The following DENND5A variants were observed in gnomAD, a reference collection of about 807,000 sequenced individuals.
DENND5A encodes DENN domain containing 5A, also known as DENN domain-containing protein 5A.
DENND5A carries 64 observed loss-of-function variants against 140.3 expected under a neutral mutation model. The ratio of observed to expected loss-of-function variants is 0.46; its 90% CI spans 0.37 to 0.56. DENND5A has a LOEUF of 0.56. Ranked by LOEUF, DENND5A falls within the 20% of genes least tolerant of loss-of-function variation. The pLI is 0.00. For missense variants in DENND5A, 1,292 were observed against 1,593.8 expected (o/e 0.81, Z 3.22); for synonymous variants, 605 against 607.7 (o/e 1.00, Z 0.07).
chr11:9,197,853 T>C (rs1239735044), intron 4 of DENND5A, among the ~76,000 whole-genome samples: 1 of 152,220 alleles, frequency 6.6e-6, no homozygotes, highest in African/African-American at 2.4e-5. Flanking sequence ...TTTGATTCCC[T>C]TTGGAATTGT....
intron 8 of DENND5A, chr11:9,172,132 T>A (rs1848393138): frequency 6.6e-6 from 1 of 152,118 alleles, no homozygotes; most frequent in South Asian, 2.1e-4. Flanking sequence ...CATGTATGTG[T>A]AACTGCAGTC....
intron 4 of DENND5A, among the ~76,000 whole-genome samples, chr11:9,198,598 A>G (rs1469377244): frequency 2.0e-5 from 3 of 151,364 alleles, no homozygotes; most frequent in Non-Finnish European, 4.4e-5. Flanking sequence ...CAACAGAGCA[A>G]GACTCCACCT....
intron 14 of DENND5A, 32 bp downstream of exon 14, chr11:9,150,648 T>C: frequency 1.3e-6 from 2 of 1,517,334 alleles, no homozygotes; most frequent in South Asian, 2.3e-5. Context: ...AACAGGATTT[T>C]AGTGGCTTAT....
At chr11:9,157,338 CTT>C (rs1457431954) in intron 12 of DENND5A, among the ~76,000 whole-genome samples, 1 of 152,122 alleles carries the variant, frequency 6.6e-6, no homozygotes, top group African/African-American at 2.4e-5. Flanking sequence ...ATTCTTTTAA[CTT>C]TTATTTTAGG....
At chr11:9,174,694 C>G (rs1256900654) in intron 8 of DENND5A, among the ~76,000 whole-genome samples, 2 of 151,380 alleles carry the variant, frequency 1.3e-5, no homozygotes, top group East Asian at 3.9e-4. Flanking sequence ...AGCGAGACCC[C>G]ATCAACATTA....
chr11:9,175,423 T>C (rs1848516099), intron 8 of DENND5A: 1 of 152,166 alleles, frequency 6.6e-6, no homozygotes, highest in Admixed American at 6.5e-5. Context: ...ATGTCAAATA[T>C]CAATCAAAAT....
chr11:9,204,100 T>C lies in DENND5A; in HGVS notation c.509A>G (p.Asp170Gly), dbSNP rs746081361. 1.2e-6 allele frequency: 2 copies of C among 1,614,182 alleles called. No homozygotes were observed. The highest frequency in any genetic ancestry group is 1.7e-5 in the Admixed American group (1 of 60,016). The change falls in exon 4 of 23, where the codon GAT (aspartate) becomes GGT (glycine). Residue 170 changes from aspartate (D) to glycine (G), a missense_variant. By Grantham distance (94) the Asp-to-Gly change is moderately conservative. Around this residue, in one of 4 missense-constraint regions of DENND5A, gnomAD observed 566 missense variants for 650.4 expected, o/e 0.87. Coordinates refer to ENST00000328194, the MANE Select transcript of DENND5A (RefSeq NM_015213.4). ...EYDVLHAPPA[D>G]DRDQSSMEDG... ...CTCCATGCTGCTCTGGTCTCTGTCA[T>C]CAGCAGGGGGAGCATGTAGGACATC...
rs1590202396 is a variant in DENND5A at position 9,143,419 on chromosome 11, T to C, written c.3371A>G (p.His1124Arg). The C allele has an allele frequency of 6.2e-7, 1 of 1,614,100 alleles. No homozygotes were observed. Among genetic ancestry groups the C allele is most frequent in the Non-Finnish European group, 8.5e-7 (1 of 1,179,924 alleles). Residue 1124 changes from histidine to arginine, a missense_variant, in exon 20 of 23, where the codon CAT becomes CGT. This residue lies in a region of DENND5A where 498 missense variants were observed against 689.7 expected (regional missense o/e 0.72). Transcript: ENST00000328194. Reference protein sequence around the residue: ...EAVNGIVKHFHKPEKERGSLT... With the variant: ...EAVNGIVKHFRKPEKERGSLT... ...AAGGCTCACCTCTTTCTCAGGCTTATGGAAGTGCTTCACAATGCCATTGAC... is the reference window on the plus strand; with the variant it reads ...AAGGCTCACCTCTTTCTCAGGCTTACGGAAGTGCTTCACAATGCCATTGAC...
intron 4 of DENND5A, among the ~76,000 whole-genome samples, chr11:9,194,631 A>C: frequency 6.6e-6 from 1 of 152,118 alleles, no homozygotes; most frequent in Admixed American, 6.6e-5. Flanking sequence ...TAGCTACTCA[A>C]AACTCTTGTT....
At chr11:9,225,704 G>A (rs1010025177) in intron 1 of DENND5A, among the ~76,000 whole-genome samples, 3 of 152,214 alleles carry the variant, frequency 2.0e-5, no homozygotes, top group African/African-American at 7.2e-5. Flanking sequence ...GGAAGTTACA[G>A]TGAACCAAGA....
intron 3 of DENND5A, among the ~76,000 whole-genome samples, chr11:9,205,379 T>C (rs1317875311): frequency 6.6e-6 from 1 of 152,232 alleles, no homozygotes; most frequent in Non-Finnish European, 1.5e-5. Context: ...TATTATATTA[T>C]ATCTATTAGC....
At chr11:9,231,818 C>A (rs1172850628) in intron 1 of DENND5A, among the ~76,000 whole-genome samples, 2 of 150,202 alleles carry the variant, frequency 1.3e-5, no homozygotes, top group Non-Finnish European at 3.0e-5. Context: ...GTAATAAATT[C>A]TCTCTCTTTT....
intron 5 of DENND5A, among the ~76,000 whole-genome samples, chr11:9,187,177 T>C (rs921893243): frequency 9.9e-5 from 15 of 152,200 alleles, no homozygotes; most frequent in African/African-American, 3.6e-4. Context: ...ACTAGACTCA[T>C]ACAATAGCCT....
At chr11:9,168,092 A>ATTTTTTTTTTTTTTTTTTTTTTTTTTTTT (rs11285106) in intron 10 of DENND5A, among the ~76,000 whole-genome samples, 1 of 141,978 alleles carries the variant, frequency 7.0e-6, no homozygotes, top group Non-Finnish European at 1.5e-5. Context: ...AACCTCAGTG[A>ATTTTTTTTTTTTTTTTTTTTTTTTTTTTT]TTTTTTTTTT....
At chr11:9,173,360 A>G (rs1230095891) in intron 8 of DENND5A, among the ~76,000 whole-genome samples, 1 of 152,272 alleles carries the variant, frequency 6.6e-6, no homozygotes, top group Non-Finnish European at 1.5e-5. Flanking sequence ...CAGTTAATGT[A>G]TTAGATTTTG....
At chr11:9,191,606 T>C (rs1849129130) in intron 5 of DENND5A, among the ~76,000 whole-genome samples, 1 of 152,178 alleles carries the variant, frequency 6.6e-6, no homozygotes, top group Non-Finnish European at 1.5e-5. Context: ...TGTTGATCCC[T>C]CAGAGGTCCC....
At chr11:9,219,685 C>T (rs925280954) in intron 1 of DENND5A, among the ~76,000 whole-genome samples, 59 of 152,150 alleles carry the variant, frequency 3.9e-4, no homozygotes, top group Non-Finnish European at 8.2e-4. Context: ...ATAGGCCTGG[C>T]AGGCCAACAC....
At chr11:9,172,322 T>A (rs1848397754) in intron 8 of DENND5A, 1 of 152,176 alleles carries the variant, frequency 6.6e-6, no homozygotes, top group African/African-American at 2.4e-5. Flanking sequence ...AAATCAGTGA[T>A]AAAAAGAAAA....
intron 1 of DENND5A, among the ~76,000 whole-genome samples, chr11:9,250,043 TTA>T (rs1491266873): frequency 0.017 from 1,965 of 115,452 alleles, 49 homozygotes; most frequent in African/African-American, 0.056. Context: ...AAAATAAAAT[TTA>T]AAAAAAAAAA....
Sources: allele counts gnomAD v4.1 joint callset (sites outside exome capture counted in the v4.1 genomes callset), GRCh38; gene constraint gnomAD v4.1.1; regional missense constraint gnomAD v4.1.1; transcripts MANE v1.5; gene names NCBI Gene and HGNC (gene_info 2026-07-23, HGNC 2026-07-21).